The following C10orf67 variants were observed in gnomAD, a reference collection of about 807,000 sequenced individuals.
C10orf67 encodes the protein uncharacterized protein C10orf67, mitochondrial.
Under a neutral mutation model 35.6 loss-of-function variants are expected in C10orf67, and 60 were observed. The observed-to-expected ratio is 1.68, with a 90% CI of 1.37 to 2.09. C10orf67 has a LOEUF of 2.09. C10orf67 is among the 30% of genes most tolerant of loss of function. C10orf67 has a pLI of 0.00. For synonymous variants in C10orf67, 167 were observed against 115.8 expected (o/e 1.44, Z -2.84); for missense variants, 474 against 330.2 (o/e 1.44, Z -3.38).
At chr10:23,328,993 C>CAAAAAAAAAAAAAA (rs57772405) in intron 2 of C10orf67, among the ~76,000 whole-genome samples, 9 of 78,720 alleles carry the variant, frequency 1.1e-4, no homozygotes, top group Non-Finnish European at 1.7e-4. Context: ...CATAAACGAA[C>CAAAAAAAAAAAAAA]AAAAAAAAAA....
intron 15 of C10orf67, among the ~76,000 whole-genome samples, chr10:23,211,404 G>T (rs1023261419): frequency 6.6e-6 from 1 of 151,054 alleles, no homozygotes; most frequent in African/African-American, 2.4e-5. Flanking sequence ...TTCTAAATAA[G>T]ATTACATTCA....
chr10:23,298,763 T>G (rs1181413605), intron 5 of C10orf67, among the ~76,000 whole-genome samples: 3 of 149,186 alleles, frequency 2.0e-5, no homozygotes, highest in Admixed American at 1.3e-4. Context: ...TTTGGAAACC[T>G]TGTAGCCACA....
In C10orf67 at chr10:23,294,370, C is replaced by T. The variant is rs557120980; in HGVS notation, c.703-3091G>A. 4.0e-5 allele frequency among the ~76,000 whole-genome samples: 6 copies of T among 151,018 alleles called. No homozygotes were observed. In the South Asian group the frequency reaches 1.3e-3, roughly 32 times the overall value. ...TGAAATTAAAACACATGCACAGGCA[C>T]ACACACACACACACAGAAACACACA... On this transcript the variant is annotated intron_variant, in intron 5 of 15. Coordinates refer to ENST00000636213, the MANE Select transcript of C10orf67 (RefSeq NM_001371909.1).
At chr10:23,320,906 C>G (rs1844927022) in intron 3 of C10orf67, 91 bp from the exon 4 acceptor site, 2 of 789,098 alleles carry the variant, frequency 2.5e-6, no homozygotes, top group Non-Finnish European at 4.1e-6. Context: ...AAAAAAACAT[C>G]ATCTGAATCA....
chr10:23,284,244 C>T (rs1010237291), intron 7 of C10orf67, among the ~76,000 whole-genome samples: 1 of 151,866 alleles, frequency 6.6e-6, no homozygotes, highest in Non-Finnish European at 1.5e-5. Context: ...CTGTCTGCCC[C>T]ACTACAGATT....
At chr10:23,264,383 TC>T (rs898208677) in intron 10 of C10orf67, among the ~76,000 whole-genome samples, 5 of 152,018 alleles carry the variant, frequency 3.3e-5, no homozygotes, top group African/African-American at 1.2e-4. Context: ...ATCTCTCCCC[TC>T]CCCCGGTCCA....
At chr10:23,312,732 T>C (rs1212946802) in intron 4 of C10orf67, among the ~76,000 whole-genome samples, 2 of 152,224 alleles carry the variant, frequency 1.3e-5, no homozygotes, top group Non-Finnish European at 2.9e-5. Context: ...GGTACTCTTT[T>C]TCAAACGTTA....
Position 23,344,674 on chromosome 10 carries a change from C to G in C10orf67, c.101G>C (p.Arg34Pro). Residue 34 changes from arginine to proline, a missense_variant, in exon 1 of 16, where the codon CGC (arginine) becomes CCC (proline). Physicochemically the swap from Arg to Pro is moderately radical, Grantham distance 103. Transcript: ENST00000636213. The stretch of plus-strand genomic sequence containing the variant: ...GGCCTTGGCTTTCATGGCCTCCCAG[C>G]GTGTGCCAAAGGTCCCCCTCAAGGA... ...SSSLRGTFGT[R>P]WEAMKAKATE... is the part of the protein sequence containing the mutation. 6.3e-7 allele frequency: 1 copy of G among 1,579,884 alleles called. No individual in the cohort carries two copies. The highest frequency in any genetic ancestry group is 8.6e-7 in the Non-Finnish European group (1 of 1,163,330).
At chr10:23,208,518 C>G (rs567659880) in intron 15 of C10orf67, among the ~76,000 whole-genome samples, 21 of 152,244 alleles carry the variant, frequency 1.4e-4, no homozygotes, top group Admixed American at 7.2e-4. Context: ...TCCACAAATC[C>G]TGGTCTGACT....
intron 15 of C10orf67, 147 bp from the exon 16 acceptor site, chr10:23,204,402 C>T (rs1407889040): frequency 7.4e-6 from 3 of 403,434 alleles, no homozygotes; most frequent in African/African-American, 4.1e-5. Flanking sequence ...TCTTCAGGAA[C>T]CTGGAAGAGA....
At chr10:23,270,775 C>T (rs1457741470) in intron 8 of C10orf67, among the ~76,000 whole-genome samples, 1 of 152,208 alleles carries the variant, frequency 6.6e-6, no homozygotes, top group Non-Finnish European at 1.5e-5. Flanking sequence ...AGGTGGTTCA[C>T]ATGAGGAGGA....
In C10orf67 at chr10:23,337,218, C is replaced by T. The variant is rs576554396; in HGVS notation, c.207-4036G>A. ...AAGCAGAGAATTACCACATGGCAGT[C>T]ATCATAAAAGTGACATTAAGATAGG... On this transcript the variant is annotated intron_variant, in intron 1 of 15. Coordinates refer to ENST00000636213, the MANE Select transcript of C10orf67 (RefSeq NM_001371909.1). Among the ~76,000 whole-genome samples the T allele has an allele frequency of 4.3e-4, 65 of 152,284 alleles. No homozygotes were observed. The South Asian group carries it at 4.6e-3, about 11-fold the overall frequency.
At position 23,204,060 on chromosome 10, in the gene C10orf67, T is replaced by C. The variant is rs1332406252; in HGVS notation, c.*113A>G. 2.3e-6 allele frequency: 1 copy of C among 432,172 alleles called. No homozygotes were observed. The highest frequency in any genetic ancestry group is 4.3e-5 in the Admixed American group (1 of 23,208). 26.8% of individuals were successfully genotyped at this position (432,172 alleles called of 1,614,324 possible). A position where few individuals can be genotyped will look rare whatever the true frequency, so the allele number is the denominator to read the frequency against. On this transcript the variant is annotated 3_prime_UTR_variant, in exon 16 of 16. Coordinates refer to ENST00000636213, the MANE Select transcript of C10orf67 (RefSeq NM_001371909.1). Reference sequence around the variant, plus strand: ...TACATAATCTGGAGAGATTAAACAATTAGTTTAGAAAATCCTTGGAGATAG... The same window carrying C: ...TACATAATCTGGAGAGATTAAACAACTAGTTTAGAAAATCCTTGGAGATAG...
At chr10:23,214,043 T>A (rs1350737825) in intron 15 of C10orf67, among the ~76,000 whole-genome samples, 2 of 151,744 alleles carry the variant, frequency 1.3e-5, no homozygotes, top group Non-Finnish European at 2.9e-5. Flanking sequence ...GCTATTATAA[T>A]GTTATTGATA....
At chr10:23,298,179 T>C (rs1174438894) in intron 5 of C10orf67, among the ~76,000 whole-genome samples, 1 of 151,976 alleles carries the variant, frequency 6.6e-6, no homozygotes, top group East Asian at 1.9e-4. Flanking sequence ...GGCATGAACC[T>C]GGGAGGCGGA....
chr10:23,248,398 C>T (rs1842368801), intron 12 of C10orf67, among the ~76,000 whole-genome samples: 1 of 152,178 alleles, frequency 6.6e-6, no homozygotes, highest in South Asian at 2.1e-4. Context: ...TAGCCCTGCT[C>T]TTGTCCGCAC....
chr10:23,247,154 G>T lies in C10orf67; in HGVS notation c.1346+3301C>A, dbSNP rs576687123. Among the ~76,000 whole-genome samples the T allele has an allele frequency of 3.3e-5, 5 of 151,942 alleles. No homozygotes were observed. In the East Asian group the frequency reaches 5.8e-4, roughly 18 times the overall value. On this transcript the variant is annotated intron_variant, in intron 12 of 15. Coordinates refer to ENST00000636213, the MANE Select transcript of C10orf67 (RefSeq NM_001371909.1). ...TTTTTTTTTTGGTAAATCTAGTGTA[G>T]CCTGAGTGTCTAGTGTTTACAAAAT...
At chr10:23,260,558 C>T (rs1022884344) in intron 10 of C10orf67, among the ~76,000 whole-genome samples, 1 of 152,194 alleles carries the variant, frequency 6.6e-6, no homozygotes, top group Non-Finnish European at 1.5e-5. Context: ...GTTAGGAACT[C>T]TAAAGAACTG....
chr10:23,243,377 A>G (rs2093674834), intron 12 of C10orf67, among the ~76,000 whole-genome samples: 1 of 152,162 alleles, frequency 6.6e-6, no homozygotes, highest in South Asian at 2.1e-4. Context: ...CTCTTCACCC[A>G]TCAGTGATAA....
Sources: gnomAD v4.1 joint callset for allele counts (sites outside exome capture counted in the v4.1 genomes callset) on GRCh38, gnomAD v4.1.1 for gene constraint, MANE v1.5 for transcripts, NCBI Gene and HGNC (gene_info 2026-07-23, HGNC 2026-07-21) for gene names.